The following PGF variants were observed in gnomAD, a reference collection of about 807,000 sequenced individuals.
PGF encodes the protein placental growth factor.
In PGF, 11 loss-of-function variants were observed where a neutral mutation model predicts 25.3. The ratio of observed to expected loss-of-function variants is 0.43; its 90% CI spans 0.27 to 0.72. The LOEUF (loss-of-function observed/expected upper bound fraction) is 0.72. Among genes scored for constraint, PGF ranks in the 30% least tolerant of loss-of-function variants. The pLI is 0.18. For missense variants in PGF, 230 were observed against 234.9 expected, an observed-to-expected ratio of 0.98 and a Z score of 0.14; for synonymous variants, 105 against 97.9, an observed-to-expected ratio of 1.07 and a Z score of -0.43.
chr14:74,952,896 G>T (rs1888904385), intron 2 of PGF, among the ~76,000 whole-genome samples: 1 of 152,180 alleles, frequency 6.6e-6, no homozygotes, highest in South Asian at 2.1e-4. Context: ...TGAGGCTAAG[G>T]CATCTTTGGT....
At position 74,952,932 on chromosome 14, in the gene PGF, G is replaced by A. The variant is rs369928156; in HGVS notation, c.118+972C>T. Among the ~76,000 whole-genome samples, 13 of 152,328 alleles carry A rather than the reference G, an allele frequency of 8.5e-5. No homozygotes were observed. In the East Asian group the frequency reaches 2.5e-3, roughly 29 times the overall value. ...AGCTGTGGCCTGACCTACACTAAAA[G>A]CACCAAAAAGGGCATAGTGTGGAGG... On this transcript the variant is annotated intron_variant, in intron 2 of 6. Coordinates refer to ENST00000555567, the MANE Select transcript of PGF (RefSeq NM_002632.6).
rs1488520568 is a variant in PGF, at chr14:74,955,335, G to A, written c.-93C>T. On this transcript the variant is annotated 5_prime_UTR_variant, in exon 1 of 7. Coordinates refer to ENST00000555567, the MANE Select transcript of PGF (RefSeq NM_002632.6). The surrounding 1 kb of genome is among the most constrained non-coding windows in gnomAD (Gnocchi z 4.1). ...TGGCACAGGAGGAGAAGAGCTGAGT[G>A]GGGGGCTGGACGCCTCCCTCACTGC... 1.5e-6 allele frequency: 1 copy of A among 684,134 alleles called. No individual in the cohort carries two copies. Among genetic ancestry groups the A allele is most frequent in the Non-Finnish European group, 2.2e-6 (1 of 454,844 alleles). The allele number at this position is 684,134 out of a possible 1,614,324, so 42.4% of individuals were successfully genotyped here. A position where few individuals can be genotyped will look rare whatever the true frequency, so the allele number is the denominator to read the frequency against.
chr14:74,948,414 C>T, intron 4 of PGF, 93 bp downstream of exon 4: 3 of 695,530 alleles, frequency 4.3e-6, no homozygotes, highest in Non-Finnish European at 7.3e-6. Flanking sequence ...CGGGGATGGG[C>T]AGCCTTTGCC....
chr14:74,944,269 A>T (rs1221721309), intron 6 of PGF, among the ~76,000 whole-genome samples: 1 of 151,212 alleles, frequency 6.6e-6, no homozygotes, highest in Non-Finnish European at 1.5e-5. Context: ...CACCCGGCTA[A>T]TTTTTTGTAT....
intron 3 of PGF, among the ~76,000 whole-genome samples, chr14:74,948,866 T>C (rs1232908540): frequency 6.6e-6 from 1 of 152,168 alleles, no homozygotes; most frequent in Non-Finnish European, 1.5e-5. Context: ...CTTGACTCTT[T>C]TACCTGCTGA....
intron 4 of PGF, chr14:74,947,218 C>A: frequency 3.1e-6 from 1 of 324,238 alleles, no homozygotes; most frequent in Non-Finnish European, 5.6e-6. Flanking sequence ...TCTGCCTGCC[C>A]CAAAAGAGTG....
chr14:74,954,071 C>A, intron 1 of PGF, 125 bp from the exon 2 acceptor site: 1 of 869,812 alleles, frequency 1.1e-6, no homozygotes, highest in South Asian at 1.5e-5. Flanking sequence ...ACATGCTCTG[C>A]CCTGTCTCAG....
At chr14:74,945,513 G>A (rs1234831255) in intron 6 of PGF, 3 of 152,340 alleles carry the variant, frequency 2.0e-5, no homozygotes, top group Non-Finnish European at 4.4e-5. Context: ...CTGGAGTCAC[G>A]TGCGTGGGGG....
chr14:74,946,489 C>T, intron 4 of PGF, 81 bp from the exon 5 acceptor site: 1 of 1,369,180 alleles, frequency 7.3e-7, no homozygotes, highest in South Asian at 1.3e-5. Flanking sequence ...GACAGGTCCC[C>T]TCCGACATCC....
rs1888795546 is a variant in PGF, at chr14:74,948,538, T to C, written c.361A>G (p.Thr121Ala). Residue 121 changes from threonine to alanine, a missense_variant, in exon 4 of 7, where the codon ACG becomes GCG. Physicochemically the swap from Thr to Ala is moderately conservative, Grantham distance 58 (BLOSUM62 0). Coordinates refer to ENST00000555567, the MANE Select transcript of PGF (RefSeq NM_002632.6). ...TCGCAGCGAACGTGCTGAGAGAACGTCAGCTCCACGTAGGAGGGCCGGTCC... is the reference window on the plus strand; with the variant it reads ...TCGCAGCGAACGTGCTGAGAGAACGCCAGCTCCACGTAGGAGGGCCGGTCC... ...SGDRPSYVEL[T>A]FSQHVRCECR... 6.2e-7 allele frequency: 1 copy of C among 1,602,794 alleles called. No individual in the cohort carries two copies. Among genetic ancestry groups the C allele is most frequent in the African/African-American group, 1.3e-5 (1 of 74,620 alleles).
intron 2 of PGF, among the ~76,000 whole-genome samples, chr14:74,949,899 T>G (rs969624835): frequency 6.6e-6 from 1 of 152,176 alleles, no homozygotes; most frequent in Non-Finnish European, 1.5e-5. Flanking sequence ...CGGTGCTTCC[T>G]CCAACTTGGA....
intron 6 of PGF, chr14:74,944,649 G>C (rs903771647): frequency 6.6e-6 from 1 of 151,290 alleles, no homozygotes; most frequent in Non-Finnish European, 1.5e-5. Context: ...AGGCTCAGGT[G>C]ATCATTCCAC....
intron 4 of PGF, 144 bp from the exon 5 acceptor site, chr14:74,946,552 T>C: frequency 2.7e-6 from 2 of 751,486 alleles, no homozygotes; most frequent in South Asian, 1.8e-5. Context: ...AGCATGGAGT[T>C]GGCAAGGGAG....
At position 74,949,560 on chromosome 14, in the gene PGF, G is replaced by A. The variant is rs1481424609; in HGVS notation, c.119-7C>T. 6.5e-7 allele frequency: 1 copy of A among 1,548,748 alleles called. No homozygotes were observed. Among genetic ancestry groups the A allele is most frequent in the East Asian group, 2.3e-5 (1 of 43,258 alleles). ...ACTTCCTGGAAGGGTACCACTGCGA[G>A]GAAGCAAGGGGGCTGGGTCAGGCCA... On this transcript the variant is annotated splice_polypyrimidine_tract_variant and splice_region_variant and intron_variant, in intron 2 of 6. Coordinates refer to ENST00000555567, the MANE Select transcript of PGF (RefSeq NM_002632.6).
rs375478342 is a variant in PGF, at chr14:74,946,405, A to T, written c.396T>A (p.Pro132=). 14 of 1,608,758 alleles carry T rather than the reference A, an allele frequency of 8.7e-6. No individual in the cohort carries two copies. Among genetic ancestry groups the T allele is most frequent in the Non-Finnish European group, 1.2e-5 (14 of 1,176,712 alleles). ...FSQHVRCECR[P]LREKMKPERR... is the part of the protein sequence containing the mutation. ...TTTCCGGCTTCATCTTCTCCCGCAG[A>T]GGCCTAGGGAAACAGACAGAGAGAG... is the stretch of plus-strand genomic sequence containing the variant. Residue 132 remains proline, a synonymous_variant, in exon 5 of 7, where the codon CCT becomes CCA. Coordinates refer to ENST00000555567, the MANE Select transcript of PGF (RefSeq NM_002632.6).
At position 74,955,384 on chromosome 14, in the gene PGF, TTCGAGCA is replaced by T. The variant is rs1888967464; in HGVS notation, c.-149_-143del. Reference sequence around the variant, plus strand: ...GCTGCCCCGAGGCCCCGGCCGGTGGTTCGAGCATCTTCTGGAAGCCTTGCGGAGTCAG... The same window carrying T: ...GCTGCCCCGAGGCCCCGGCCGGTGGTTCTTCTGGAAGCCTTGCGGAGTCAG... On this transcript the variant is annotated 5_prime_UTR_variant, in exon 1 of 7. The change abolishes an upstream ATG in the 5' untranslated region. Coordinates refer to ENST00000555567, the MANE Select transcript of PGF (RefSeq NM_002632.6). The surrounding 1 kb of genome is among the most constrained non-coding windows in gnomAD (Gnocchi z 4.1). 2.3e-6 allele frequency: 1 copy of T among 433,394 alleles called. No homozygotes were observed. Among genetic ancestry groups the T allele is most frequent in the Non-Finnish European group, 4.1e-6 (1 of 243,110 alleles). The allele number at this position is 433,394 out of a possible 1,614,324, so 26.8% of individuals were successfully genotyped here. A position where few individuals can be genotyped will look rare whatever the true frequency, so the allele number is the denominator to read the frequency against.
chr14:74,944,264 G>C (rs61759400), intron 6 of PGF, among the ~76,000 whole-genome samples: 1 of 151,490 alleles, frequency 6.6e-6, no homozygotes, highest in Non-Finnish European at 1.5e-5. Context: ...CACCACACCC[G>C]GCTAATTTTT....
At position 74,955,237 on chromosome 14, in the gene PGF, C is replaced by T; in HGVS notation, c.6G>A (p.Pro2=). The change falls in exon 1 of 7, where the codon CCG becomes CCA. Residue 2 remains proline, a synonymous_variant. Transcript: ENST00000555567. This position sits in a 1 kb window ranked among gnomAD's most constrained non-coding sequence, Gnocchi z 4.1. ...GGAAGCAAGGGAACAGCCTCATGAC[C>T]GGCATCTTCTCAGACGTCCCGAGCC... M[P]VMRLFPCFLQ... The T allele has an allele frequency of 6.8e-7, 1 of 1,472,002 alleles. No individual in the cohort carries two copies. The highest frequency in any genetic ancestry group is 9.1e-7 in the Non-Finnish European group (1 of 1,102,658). 91.2% of individuals were successfully genotyped at this position (1,472,002 alleles called of 1,614,324 possible).
chr14:74,946,540 G>A lies in PGF; in HGVS notation c.393-132C>T, dbSNP rs921662544. 6.1e-6 allele frequency: 5 copies of A among 813,932 alleles called. No homozygotes were observed. In the African/African-American group the frequency reaches 8.6e-5, roughly 14 times the overall value. 50.4% of individuals were successfully genotyped at this position (813,932 alleles called of 1,614,324 possible). A position where few individuals can be genotyped will look rare whatever the true frequency, so the allele number is the denominator to read the frequency against. On this transcript the variant is annotated intron_variant, in intron 4 of 6. Coordinates refer to ENST00000555567, the MANE Select transcript of PGF (RefSeq NM_002632.6). ...CAGCTGACACTGAGGCCACTAGGGG[G>A]TAGCATGGAGTTGGCAAGGGAGAGG...
Sources: allele counts gnomAD v4.1 joint callset (sites outside exome capture counted in the v4.1 genomes callset), GRCh38; gene constraint gnomAD v4.1.1; non-coding constraint Gnocchi (gnomAD v3.1); transcripts MANE v1.5; gene names NCBI Gene and HGNC (gene_info 2026-07-23, HGNC 2026-07-21).